Variants in GATB observed in about 807,000 individuals in gnomAD.
GATB encodes glutamyl-tRNA amidotransferase subunit B.
Under a neutral mutation model 62.3 loss-of-function variants are expected in GATB, and 39 were observed. The ratio of observed to expected loss-of-function variants is 0.63; its 90% CI spans 0.48 to 0.82. The LOEUF is 0.82. GATB is among the 40% of genes least tolerant of loss of function. GATB has a pLI of 0.00. For missense variants in GATB, 670 were observed against 684.0 expected (o/e 0.98, Z 0.23); for synonymous variants, 276 against 258.9 (o/e 1.07, Z -0.63).
chr4:151,760,163 G>A (rs1021438701), intron 1 of GATB, among the ~76,000 whole-genome samples: 1 of 151,994 alleles, frequency 6.6e-6, no homozygotes, highest in African/African-American at 2.4e-5. Flanking sequence ...TTAGAAACTT[G>A]CCATATGTTT....
At position 151,688,846 on chromosome 4, in the gene GATB, C is replaced by CA. The variant is rs11390610; in HGVS notation, c.1198-84_1198-83insT. 523,429 of 1,381,190 alleles carry CA rather than the reference C, an allele frequency of 0.38. 102,552 individuals are homozygous for CA. Among genetic ancestry groups the CA allele is most frequent in the South Asian group, 0.59 (42,294 of 72,118 alleles). The allele number at this position is 1,381,190 out of a possible 1,614,324, so 85.6% of individuals were successfully genotyped here. A position where few individuals can be genotyped will look rare whatever the true frequency, so the allele number is the denominator to read the frequency against. Reference sequence around the variant, plus strand: ...ATTCTGAAGGCAAATCTGAAACTGTCCCCTCTGCCTCCTCTGAGACAGCCA... The same window carrying CA: ...ATTCTGAAGGCAAATCTGAAACTGTCACCCTCTGCCTCCTCTGAGACAGCCA... On this transcript the variant is annotated intron_variant, in intron 9 of 12. Transcript: ENST00000263985.
intron 11 of GATB, among the ~76,000 whole-genome samples, chr4:151,677,143 C>T (rs1043136066): frequency 6.6e-6 from 1 of 152,190 alleles, no homozygotes; most frequent in Non-Finnish European, 1.5e-5. Flanking sequence ...CACCAATAAC[C>T]AGTAGGATCA....
intron 12 of GATB, among the ~76,000 whole-genome samples, chr4:151,671,679 C>CTGAT (rs1737865838): frequency 1.3e-5 from 2 of 152,142 alleles, no homozygotes; most frequent in Admixed American, 1.3e-4. Context: ...GGACACCTCT[C>CTGAT]TGATTCTCAG....
chr4:151,686,076 A>G (rs1487037942), intron 10 of GATB, among the ~76,000 whole-genome samples: 1 of 151,478 alleles, frequency 6.6e-6, no homozygotes, highest in East Asian at 1.9e-4. Flanking sequence ...AACAAAAAAA[A>G]GACAAAGAGG....
chr4:151,707,856 C>T lies in GATB; in HGVS notation c.877+132G>A, dbSNP rs1454529357. On this transcript the variant is annotated intron_variant, in intron 6 of 12. Coordinates refer to ENST00000263985, the MANE Select transcript of GATB (RefSeq NM_004564.3). Reference sequence around the variant, plus strand: ...CCACAGCCACATGAGTGAGCCGACACAGGACCAACAGAACGGACCAGTGAA... The same window carrying T: ...CCACAGCCACATGAGTGAGCCGACATAGGACCAACAGAACGGACCAGTGAA... 6 of 635,366 alleles carry T rather than the reference C, an allele frequency of 9.4e-6. No homozygotes were observed. The East Asian group carries it at 1.7e-4, about 18-fold the overall frequency. The allele number at this position is 635,366 out of a possible 1,614,324, so 39.4% of individuals were successfully genotyped here.
In GATB at chr4:151,693,546, AC is replaced by A. The variant is rs578224647; in HGVS notation, c.1198-4784del. Among the ~76,000 whole-genome samples the A allele has an allele frequency of 1.2e-4, 18 of 152,208 alleles. No individual in the cohort carries two copies. In the East Asian group the frequency reaches 3.5e-3, roughly 29 times the overall value. ...CAGGAGAAAGCTAGAACAATGCAGA[AC>A]CTCCACTGCTGCTGGCAAGAATACA... On this transcript the variant is annotated intron_variant, in intron 9 of 12. Coordinates refer to ENST00000263985, the MANE Select transcript of GATB (RefSeq NM_004564.3).
At chr4:151,689,315 G>A (rs978059590) in intron 9 of GATB, among the ~76,000 whole-genome samples, 2 of 152,198 alleles carry the variant, frequency 1.3e-5, no homozygotes, top group Non-Finnish European at 2.9e-5. Context: ...AGACAGGAAT[G>A]GTTCTGAAAT....
chr4:151,704,031 G>T, intron 7 of GATB, 136 bp from the exon 8 acceptor site: 2 of 572,676 alleles, frequency 3.5e-6, no homozygotes, highest in Non-Finnish European at 6.2e-6. Context: ...AACCTTAAAT[G>T]AATACATTCA....
intron 11 of GATB, among the ~76,000 whole-genome samples, chr4:151,679,452 G>A (rs370385859): frequency 4.2e-4 from 64 of 152,294 alleles, no homozygotes; most frequent in Middle Eastern, 3.4e-3. Flanking sequence ...AGGCGGTGTG[G>A]GGGCGGGACA....
rs1320863688 is a variant in GATB at position 151,760,838 on chromosome 4, G to A, written c.145C>T (p.Pro49Ser). The change falls in exon 1 of 13, where the codon CCC (proline) becomes TCC (serine). Residue 49 changes from proline to serine, a missense_variant. By Grantham distance (74) the Pro-to-Ser change is moderately conservative (BLOSUM62 -1). Transcript: ENST00000263985. ...CTCGTCTTCTGGGCCGTGTGGAGGGGCTGCTGAGCCACTGAGCTCTCTCCC... is the reference window on the plus strand; with the variant it reads ...CTCGTCTTCTGGGCCGTGTGGAGGGACTGCTGAGCCACTGAGCTCTCTCCC... Reference protein sequence around the residue: ...IRGESSVAQQPLHTAQKTRKG... With the variant: ...IRGESSVAQQSLHTAQKTRKG... The A allele has an allele frequency of 1.2e-6, 2 of 1,611,176 alleles. No homozygotes were observed. Among genetic ancestry groups the A allele is most frequent in the Admixed American group, 3.4e-5 (2 of 59,686 alleles).
chr4:151,760,816 G>A lies in GATB; in HGVS notation c.167C>T (p.Thr56Met), dbSNP rs1739939121. ...GTATGAAACAGAATACCCTTTCCTC[G>A]TCTTCTGGGCCGTGTGGAGGGGCTG... ...AQQPLHTAQK[T>M]RKGEHKWAAV... is the part of the protein sequence containing the mutation. Residue 56 changes from threonine to methionine, a missense_variant, in exon 1 of 13, where the codon ACG (threonine) becomes ATG (methionine). Coordinates refer to ENST00000263985, the MANE Select transcript of GATB (RefSeq NM_004564.3). 1.2e-6 allele frequency: 2 copies of A among 1,603,080 alleles called. No individual in the cohort carries two copies. The highest frequency in any genetic ancestry group is 2.2e-5 in the East Asian group (1 of 44,502).
intron 2 of GATB, among the ~76,000 whole-genome samples, chr4:151,741,645 A>C (rs967378869): frequency 6.6e-6 from 1 of 152,172 alleles, no homozygotes; most frequent in African/African-American, 2.4e-5. Context: ...TGCTCTGCAG[A>C]CCCAGAAGAT....
chr4:151,719,358 A>AC (rs892294104), intron 3 of GATB, 67 bp downstream of exon 3: 7 of 1,134,034 alleles, frequency 6.2e-6, no homozygotes, highest in African/African-American at 1.6e-5. Context: ...CCTTGCTCCG[A>AC]CCCCCCACAG....
intron 9 of GATB, among the ~76,000 whole-genome samples, chr4:151,690,467 CA>C (rs1738341676): frequency 6.6e-6 from 1 of 152,218 alleles, no homozygotes; most frequent in Non-Finnish European, 1.5e-5. Context: ...CAAACTTCTA[CA>C]ATAGTACACA....
chr4:151,746,119 C>CG (rs1309382912), intron 2 of GATB, among the ~76,000 whole-genome samples: 7 of 152,350 alleles, frequency 4.6e-5, no homozygotes, highest in African/African-American at 1.7e-4. Context: ...GCAGAGGCAA[C>CG]GGTGTCCTCT....
At chr4:151,746,419 T>A (rs80256578) in intron 2 of GATB, among the ~76,000 whole-genome samples, 2,024 of 152,326 alleles carry the variant, frequency 0.013, 42 homozygotes, top group African/African-American at 0.046. Flanking sequence ...AATGGTATTG[T>A]TAAATAGGAA....
At chr4:151,709,529 ATCT>A (rs1268243575) in intron 5 of GATB, among the ~76,000 whole-genome samples, 2 of 152,140 alleles carry the variant, frequency 1.3e-5, no homozygotes, top group African/African-American at 4.8e-5. Flanking sequence ...CCCTGAGGTC[ATCT>A]TCTACTTCTC....
chr4:151,709,191 A>G (rs1196065509), intron 5 of GATB, among the ~76,000 whole-genome samples: 1 of 152,208 alleles, frequency 6.6e-6, no homozygotes, highest in Non-Finnish European at 1.5e-5. Context: ...CCATGTCAAG[A>G]AAAGGAGACC....
intron 9 of GATB, among the ~76,000 whole-genome samples, chr4:151,690,654 G>T (rs1160354262): frequency 6.6e-6 from 1 of 152,178 alleles, no homozygotes; most frequent in Non-Finnish European, 1.5e-5. Context: ...AAACTCACAG[G>T]CTTGGCTGAG....
Sources: gnomAD v4.1 joint callset for allele counts (sites outside exome capture counted in the v4.1 genomes callset) on GRCh38, gnomAD v4.1.1 for gene constraint, MANE v1.5 for transcripts, NCBI Gene and HGNC (gene_info 2026-07-23, HGNC 2026-07-21) for gene names.